The following VRK2 variants were observed in gnomAD, a reference collection of about 807,000 sequenced individuals.
VRK2 encodes VRK serine/threonine kinase 2.
Under a neutral mutation model 57.6 loss-of-function variants are expected in VRK2, and 60 were observed. The ratio of observed to expected loss-of-function variants is 1.04; its 90% CI spans 0.85 to 1.29. VRK2 has a LOEUF of 1.29. VRK2 is among the 50% of genes most tolerant of loss of function. VRK2 has a pLI of 0.00. For missense variants in VRK2, 705 were observed against 588.1 expected (o/e 1.20, Z -2.06); for synonymous variants, 231 against 199.2 (o/e 1.16, Z -1.35).
intron 10 of VRK2, 103 bp downstream of exon 10, chr2:58,135,302 A>C: frequency 3.2e-6 from 4 of 1,234,718 alleles, no homozygotes; most frequent in Non-Finnish European, 4.7e-6. Context: ...TCCTATTCCC[A>C]TCAGGGTGGG....
chr2:57,965,397 C>A (rs1338766932), intron 1 of VRK2, among the ~76,000 whole-genome samples: 1 of 152,120 alleles, frequency 6.6e-6, no homozygotes, highest in African/African-American at 2.4e-5. Context: ...GAATGGGAAC[C>A]AGAAATTTGA....
At chr2:58,089,557 T>A in intron 6 of VRK2, 74 bp from the exon 7 acceptor site, 1 of 888,156 alleles carries the variant, frequency 1.1e-6, no homozygotes, top group Non-Finnish European at 1.7e-6. Flanking sequence ...CATGTTATTC[T>A]ATATTCAAAA....
At chr2:58,098,498 A>G (rs1673485457) in intron 7 of VRK2, among the ~76,000 whole-genome samples, 1 of 152,068 alleles carries the variant, frequency 6.6e-6, no homozygotes, top group Non-Finnish European at 1.5e-5. Flanking sequence ...CAAATCTTTT[A>G]TATGGTACTT....
chr2:57,958,168 G>T (rs1033732274), intron 1 of VRK2, among the ~76,000 whole-genome samples: 2 of 152,062 alleles, frequency 1.3e-5, no homozygotes, highest in Admixed American at 6.6e-5. Flanking sequence ...AAACACAACT[G>T]ATGGATATTT....
chr2:58,034,014 G>T (rs1255419772), intron 3 of VRK2, among the ~76,000 whole-genome samples: 1 of 151,994 alleles, frequency 6.6e-6, no homozygotes, highest in African/African-American at 2.4e-5. Flanking sequence ...TAATCCAGTT[G>T]CTTCCCAAAT....
intron 1 of VRK2, among the ~76,000 whole-genome samples, chr2:57,918,773 G>T (rs533095865): frequency 6.6e-6 from 1 of 151,994 alleles, no homozygotes; most frequent in Non-Finnish European, 1.5e-5. Context: ...TAATCCAAAG[G>T]CATCTATTGA....
At chr2:58,158,852 A>G (rs1684484892) in intron 12 of VRK2, among the ~76,000 whole-genome samples, 1 of 152,148 alleles carries the variant, frequency 6.6e-6, no homozygotes, top group Non-Finnish European at 1.5e-5. Flanking sequence ...CAAGAGACAT[A>G]ACACTATAGC....
At chr2:58,134,836 C>T (rs1227900708) in intron 9 of VRK2, among the ~76,000 whole-genome samples, 1 of 152,118 alleles carries the variant, frequency 6.6e-6, no homozygotes. Context: ...GTTATACTTT[C>T]TCCTGTTAAC....
At chr2:57,941,630 A>T (rs748899188) in intron 1 of VRK2, among the ~76,000 whole-genome samples, 3 of 152,208 alleles carry the variant, frequency 2.0e-5, no homozygotes, top group Non-Finnish European at 4.4e-5. Flanking sequence ...TTCCCAGGGT[A>T]CTTTAGCTCT....
At chr2:58,078,426 T>G (rs903957789) in intron 2 of VRK2, among the ~76,000 whole-genome samples, 1 of 152,128 alleles carries the variant, frequency 6.6e-6, no homozygotes, top group African/African-American at 2.4e-5. Context: ...TGCTTCTACT[T>G]TTGGCTAATT....
intron 2 of VRK2, among the ~76,000 whole-genome samples, chr2:58,082,117 T>C (rs1313653033): frequency 4.0e-5 from 6 of 151,768 alleles, no homozygotes; most frequent in Non-Finnish European, 8.8e-5. Flanking sequence ...ATAGAGAATA[T>C]TGTGTAGCTA....
intron 2 of VRK2, among the ~76,000 whole-genome samples, chr2:58,063,236 G>GT (rs1249622913): frequency 6.9e-4 from 98 of 141,908 alleles, no homozygotes; most frequent in African/African-American, 2.4e-3. Flanking sequence ...ATATGTCACA[G>GT]TTTTGTTTTT....
intron 1 of VRK2, among the ~76,000 whole-genome samples, chr2:57,976,281 G>A (rs1672249126): frequency 6.6e-6 from 1 of 152,106 alleles, no homozygotes; most frequent in South Asian, 2.1e-4. Context: ...ATCCAGTAAT[G>A]GAATTGCTGG....
intron 1 of VRK2, among the ~76,000 whole-genome samples, chr2:57,931,265 A>G (rs1269890544): frequency 2.0e-5 from 3 of 152,170 alleles, no homozygotes; most frequent in Non-Finnish European, 4.4e-5. Flanking sequence ...AAAGTGTACA[A>G]GAGTTCCCTT....
At chr2:58,043,846 G>C (rs980070976), upstream of VRK2, among the ~76,000 whole-genome samples, 3 of 152,202 alleles carry the variant, frequency 2.0e-5, no homozygotes, top group Non-Finnish European at 2.9e-5. Flanking sequence ...AGCAATATAA[G>C]AGAGTTCCAA....
intron 1 of VRK2, among the ~76,000 whole-genome samples, chr2:57,986,258 C>T (rs981470368): frequency 4.6e-5 from 7 of 151,850 alleles, no homozygotes; most frequent in Admixed American, 4.6e-4. Flanking sequence ...GAAAAATATG[C>T]CATGCTCATA....
intron 10 of VRK2, among the ~76,000 whole-genome samples, chr2:58,136,915 C>CAT (rs1167434878): frequency 0.11 from 8,506 of 77,336 alleles, 1,260 homozygotes; most frequent in African/African-American, 0.32. Flanking sequence ...ATATATATAT[C>CAT]ATATATGTGT....
At chr2:57,927,925 C>G (rs1308092653) in intron 1 of VRK2, among the ~76,000 whole-genome samples, 1 of 152,066 alleles carries the variant, frequency 6.6e-6, no homozygotes, top group East Asian at 1.9e-4. Flanking sequence ...ATTGAAGTTC[C>G]TTCCTATGTT....
intron 1 of VRK2, among the ~76,000 whole-genome samples, chr2:57,931,890 G>A (rs1168230731): frequency 6.7e-6 from 1 of 148,974 alleles, no homozygotes; most frequent in East Asian, 2.0e-4. Context: ...TTTACTTATT[G>A]TGTATTTTTG....
Sources: gnomAD v4.1 joint callset for allele counts (sites outside exome capture counted in the v4.1 genomes callset) on GRCh38, gnomAD v4.1.1 for gene constraint, MANE v1.5 for transcripts, NCBI Gene and HGNC (gene_info 2026-07-23, HGNC 2026-07-21) for gene names.